GRAP2: variants seen among roughly 807,000 people sequenced by gnomAD.
GRAP2 encodes the protein GRB2 related adaptor protein 2.
In GRAP2, 31 loss-of-function variants were observed where a neutral mutation model predicts 43.5. The observed-to-expected ratio is 0.71, with a 90% confidence interval of 0.54 to 0.96. GRAP2 has a LOEUF of 0.96. GRAP2 is among the 40% of genes least tolerant of loss of function. The pLI is 0.00. For missense variants in GRAP2, 371 were observed against 424.4 expected, an observed-to-expected ratio of 0.87 and a Z score of 1.11; for synonymous variants, 156 against 164.8, an observed-to-expected ratio of 0.95 and a Z score of 0.41.
At chr22:39,930,392 T>G (rs1033171306) in intron 1 of GRAP2, among the ~76,000 whole-genome samples, 1 of 152,216 alleles carries the variant, frequency 6.6e-6, no homozygotes, top group Non-Finnish European at 1.5e-5. Context: ...TTAACCCCTT[T>G]GAGCTTCACT....
At chr22:39,940,388 T>G (rs1187508435) in intron 1 of GRAP2, among the ~76,000 whole-genome samples, 100 of 151,686 alleles carry the variant, frequency 6.6e-4, no homozygotes, top group African/African-American at 1.4e-3. Context: ...TGTTTGTTTT[T>G]TTTTTTTTTT....
Position 39,971,081 on chromosome 22 carries a change from A to G in GRAP2, c.990A>G (p.Arg330=), listed in dbSNP as rs2067238652. ...FPANYVAPMT[R] ...CCAACTACGTGGCACCCATGACCCG[A>G]TAAACTCTTCAGGGGACAGAAGCTT... Residue 330 remains arginine (R), a synonymous_variant, in exon 8 of 8, where the codon CGA becomes CGG. Coordinates refer to ENST00000344138, the MANE Select transcript of GRAP2 (RefSeq NM_004810.4). 1 of 1,609,872 alleles carries G rather than the reference A, an allele frequency of 6.2e-7. No homozygotes were observed. Among genetic ancestry groups the G allele is most frequent in the Non-Finnish European group, 8.5e-7 (1 of 1,178,268 alleles).
At chr22:39,906,036 C>T (rs190829123) in intron 1 of GRAP2, among the ~76,000 whole-genome samples, 22 of 152,192 alleles carry the variant, frequency 1.4e-4, no homozygotes, top group Non-Finnish European at 2.2e-4. Flanking sequence ...AAACCTTGAA[C>T]ATAAAATACT....
intron 1 of GRAP2, chr22:39,926,866 A>G: frequency 1.0e-6 from 1 of 982,836 alleles, no homozygotes; most frequent in Non-Finnish European, 1.2e-6. Context: ...AAGTATAAAT[A>G]TATTTATCGT....
At chr22:39,918,983 G>A (rs977553650) in intron 1 of GRAP2, among the ~76,000 whole-genome samples, 2 of 152,118 alleles carry the variant, frequency 1.3e-5, no homozygotes, top group African/African-American at 4.8e-5. Context: ...ATATGAAATT[G>A]ACAATATCTG....
In GRAP2 at chr22:39,955,835, A is replaced by T. The variant is rs2067044055; in HGVS notation, c.95A>T (p.Glu32Val). Residue 32 changes from glutamate (E) to valine (V), a missense_variant, in exon 3 of 8, where the codon GAG becomes GTG. By Grantham distance (121) the Glu-to-Val change is moderately radical (BLOSUM62 -2). Transcript: ENST00000344138. ...TCCATGTAGATTTTAAGTAACCAAG[A>T]GGAGTGGTTTAAGGCGGAGCTTGGG... ...GDVLKILSNQ[E>V]EWFKAELGSQ... 1 of 1,555,268 alleles carries T rather than the reference A, an allele frequency of 6.4e-7. No homozygotes were observed. The highest frequency in any genetic ancestry group is 1.1e-5 in the South Asian group (1 of 89,950).
At chr22:39,936,458 T>C (rs2145615845) in intron 1 of GRAP2, among the ~76,000 whole-genome samples, 1 of 152,304 alleles carries the variant, frequency 6.6e-6, no homozygotes, top group Admixed American at 6.5e-5. Context: ...GCCTTATTTT[T>C]GTTGTTTTGG....
At chr22:39,966,746 C>T (rs1157011491) in intron 5 of GRAP2, among the ~76,000 whole-genome samples, 1 of 152,152 alleles carries the variant, frequency 6.6e-6, no homozygotes, top group Non-Finnish European at 1.5e-5. Context: ...AAAGGAAATG[C>T]GTCAGACAGA....
rs1034816413 is a variant in GRAP2, at chr22:39,934,324, G to A, written c.-14-12769G>A. 3.0e-4 allele frequency among the ~76,000 whole-genome samples: 46 copies of A among 152,216 alleles called. 2 individuals carry two copies. The highest frequency in any genetic ancestry group is 7.3e-5 in the Non-Finnish European group (5 of 68,040). ...AAGGGTGGTCAATGACAACCTGGAG[G>A]AGGTCTTTAGGTAAAGAAACTGAGT... On this transcript the variant is annotated intron_variant, in intron 1 of 7. Coordinates refer to ENST00000344138, the MANE Select transcript of GRAP2 (RefSeq NM_004810.4).
In GRAP2 at chr22:39,957,919, G is replaced by GC. The variant is rs1321793567; in HGVS notation, c.170+2009_170+2010insC. Among the ~76,000 whole-genome samples, 4 of 152,086 alleles carry GC rather than the reference G, an allele frequency of 2.6e-5. No homozygotes were observed. The East Asian group carries it at 7.7e-4, about 29-fold the overall frequency. On this transcript the variant is annotated intron_variant, in intron 3 of 7. Transcript: ENST00000344138. ...TCACTGCACTCCAGCCTGGGCAGCA[G>GC]AGAGAGACTCTGTTTCAAAGAAAAA...
At position 39,909,689 on chromosome 22, in the gene GRAP2, AAAAC is replaced by A. The variant is rs998439292; in HGVS notation, c.-15+8371_-15+8374del. Among the ~76,000 whole-genome samples the A allele has an allele frequency of 8.5e-5, 13 of 152,306 alleles. No individual in the cohort carries two copies. In the East Asian group the frequency reaches 2.1e-3, roughly 25 times the overall value. ...GAACAGTGTATTTGGGAAACTAGGA[AAAAC>A]AAACAAACAAAAAAATGGTACCACA... On this transcript the variant is annotated intron_variant, in intron 1 of 7. Transcript: ENST00000344138.
At chr22:39,929,810 T>A (rs945522957) in intron 1 of GRAP2, among the ~76,000 whole-genome samples, 11 of 152,248 alleles carry the variant, frequency 7.2e-5, no homozygotes, top group African/African-American at 2.7e-4. Context: ...TGGGAGTCTC[T>A]ACATAGATCA....
At position 39,968,144 on chromosome 22, in the gene GRAP2, G is replaced by C. The variant is rs1257514391; in HGVS notation, c.562G>C (p.Asp188His). The change falls in exon 6 of 8, where the codon GAT becomes CAT. Residue 188 changes from aspartate to histidine, a missense_variant. Transcript: ENST00000344138. ...ACCTTCGATGAACCGGAAGCTGTCG[G>C]ATCACCCCCCGACCCTTCCCCTGCA... ...IRPSMNRKLSDHPPTLPLQQH... is the reference protein window; with the variant it reads ...IRPSMNRKLSHHPPTLPLQQH... The C allele has an allele frequency of 4.4e-6, 7 of 1,607,018 alleles. No homozygotes were observed. The highest frequency in any genetic ancestry group is 5.9e-6 in the Non-Finnish European group (7 of 1,176,840).
chr22:39,970,480 C>T (rs758347313), intron 7 of GRAP2, among the ~76,000 whole-genome samples: 1 of 152,176 alleles, frequency 6.6e-6, no homozygotes, highest in Non-Finnish European at 1.5e-5. Flanking sequence ...AAAATACCAC[C>T]TATTGATGTG....
intron 4 of GRAP2, among the ~76,000 whole-genome samples, chr22:39,961,336 C>T (rs1415534029): frequency 6.6e-6 from 1 of 152,148 alleles, no homozygotes; most frequent in Non-Finnish European, 1.5e-5. Context: ...CAAAGGAAGA[C>T]TTTGCTTCCA....
chr22:39,927,340 A>T (rs1393088719), intron 1 of GRAP2, among the ~76,000 whole-genome samples: 1 of 152,146 alleles, frequency 6.6e-6, no homozygotes, highest in Non-Finnish European at 1.5e-5. Flanking sequence ...AATACCTGTG[A>T]TGTGAATCAG....
chr22:39,942,018 G>T (rs1314960691), intron 1 of GRAP2, among the ~76,000 whole-genome samples: 3 of 152,138 alleles, frequency 2.0e-5, no homozygotes, highest in Non-Finnish European at 4.4e-5. Context: ...CTTTAAAACA[G>T]ATAAATTAAA....
At chr22:39,920,780 G>C (rs1353916827) in intron 1 of GRAP2, among the ~76,000 whole-genome samples, 1 of 151,840 alleles carries the variant, frequency 6.6e-6, no homozygotes, top group Non-Finnish European at 1.5e-5. Flanking sequence ...TTCATGTCAG[G>C]TCTTATAAAT....
At chr22:39,914,062 T>C (rs1176181023) in intron 1 of GRAP2, among the ~76,000 whole-genome samples, 1 of 152,136 alleles carries the variant, frequency 6.6e-6, no homozygotes, top group African/African-American at 2.4e-5. Context: ...CTCCCTGACC[T>C]TTTAATCCCC....
Sources: allele counts gnomAD v4.1 joint callset (sites outside exome capture counted in the v4.1 genomes callset), GRCh38; gene constraint gnomAD v4.1.1; transcripts MANE v1.5; gene names NCBI Gene and HGNC (gene_info 2026-07-23, HGNC 2026-07-21).